The following RANBP2 variants were observed in gnomAD, a reference collection of about 807,000 sequenced individuals.
RANBP2 encodes the protein E3 SUMO-protein ligase RanBP2.
Under a neutral mutation model 303.6 loss-of-function variants are expected in RANBP2, and 57 were observed. The ratio of observed to expected loss-of-function variants is 0.19; its 90% CI spans 0.15 to 0.23. RANBP2 has a LOEUF of 0.23. Ranked by LOEUF, RANBP2 falls within the 10% of genes least tolerant of loss-of-function variation. The pLI is 1.00. For missense variants in RANBP2, 3,138 were observed against 3,780.8 expected (o/e 0.83, Z 4.46); for synonymous variants, 1,167 against 1,301.5 (o/e 0.90, Z 2.23).
the RANBP2 span, among the ~76,000 whole-genome samples, chr2:109,690,592 G>A: frequency 3.3e-5 from 5 of 152,112 alleles, no homozygotes; most frequent in Non-Finnish European, 4.4e-5. Flanking sequence ...CTCCTGGCAC[G>A]TGTGACAAAG....
At chr2:108,877,318 A>G in the RANBP2 span, among the ~76,000 whole-genome samples, 1 of 151,910 alleles carries the variant, frequency 6.6e-6, no homozygotes, top group Non-Finnish European at 1.5e-5. Context: ...AAAAAACAGA[A>G]TTAGCCAGGC....
the RANBP2 span, among the ~76,000 whole-genome samples, chr2:109,201,924 C>T: frequency 5.3e-5 from 8 of 152,134 alleles, no homozygotes; most frequent in Non-Finnish European, 7.4e-5. Flanking sequence ...TACAAGGACC[C>T]GTGGCATCAT....
the RANBP2 span, among the ~76,000 whole-genome samples, chr2:109,437,963 A>T: frequency 6.6e-6 from 1 of 152,178 alleles, no homozygotes; most frequent in Admixed American, 6.5e-5. Context: ...GATAACACAG[A>T]ATCTCTCTTC....
chr2:109,542,709 A>G, the RANBP2 span, among the ~76,000 whole-genome samples: 2 of 152,212 alleles, frequency 1.3e-5, no homozygotes, highest in Non-Finnish European at 2.9e-5. Context: ...GTTCTATGAC[A>G]TGTATAATTT....
chr2:109,590,662 C>G, the RANBP2 span, among the ~76,000 whole-genome samples: 9 of 152,268 alleles, frequency 5.9e-5, no homozygotes, highest in East Asian at 1.5e-3. Context: ...CTCTTGACCT[C>G]AGGTGATCCA....
the RANBP2 span, among the ~76,000 whole-genome samples, chr2:109,711,392 A>G: frequency 2.0e-5 from 3 of 151,914 alleles, no homozygotes. Context: ...GTGGCTCCTC[A>G]CTAGCCTCCC....
chr2:109,570,037 A>C, the RANBP2 span, among the ~76,000 whole-genome samples: 3 of 152,028 alleles, frequency 2.0e-5, no homozygotes, highest in Non-Finnish European at 2.9e-5. Flanking sequence ...CAAAAAAAAA[A>C]CCTGTGTATT....
the RANBP2 span, among the ~76,000 whole-genome samples, chr2:109,135,342 G>C: frequency 1.3e-5 from 2 of 152,182 alleles, no homozygotes; most frequent in Admixed American, 6.5e-5. Flanking sequence ...GGGGTGGTGG[G>C]AATCCCACTG....
At chr2:109,469,215 A>C in the RANBP2 span, among the ~76,000 whole-genome samples, 2 of 152,234 alleles carry the variant, frequency 1.3e-5, no homozygotes, top group Admixed American at 6.5e-5. Flanking sequence ...ATTGTGCGCT[A>C]TCCCAGAATA....
At chr2:109,091,646 A>G in the RANBP2 span, among the ~76,000 whole-genome samples, 5 of 152,178 alleles carry the variant, frequency 3.3e-5, no homozygotes, top group Admixed American at 2.0e-4. Context: ...CTACCTGCCC[A>G]TGGTTTGGTA....
chr2:109,405,721 C>G, the RANBP2 span, among the ~76,000 whole-genome samples: 7,717 of 152,272 alleles, frequency 0.051, 368 homozygotes, highest in African/African-American at 0.12. Context: ...TTTCCACCAC[C>G]AAATCAATTC....
chr2:108,723,856 A>T (rs1396204894), intron 1 of RANBP2, among the ~76,000 whole-genome samples: 1 of 152,136 alleles, frequency 6.6e-6, no homozygotes, highest in African/African-American at 2.4e-5. Flanking sequence ...AATGTGGTCA[A>T]ACTGGTCACA....
chr2:109,002,376 A>T, the RANBP2 span, among the ~76,000 whole-genome samples: 1 of 152,010 alleles, frequency 6.6e-6, no homozygotes, highest in Non-Finnish European at 1.5e-5. Context: ...CCTCCTTCTC[A>T]CTCACTATGT....
chr2:109,421,595 G>A, the RANBP2 span, among the ~76,000 whole-genome samples: 7 of 152,176 alleles, frequency 4.6e-5, no homozygotes, highest in South Asian at 4.1e-4. Context: ...CACCCAGTTC[G>A]CCTGCCCTGG....
the RANBP2 span, among the ~76,000 whole-genome samples, chr2:109,044,606 ACTCATT>A: frequency 2.9e-5 from 1 of 35,028 alleles, no homozygotes; most frequent in Non-Finnish European, 2.8e-4. Flanking sequence ...TCCTTATCTG[ACTCATT>A]CTGTTAAAAT....
the RANBP2 span, among the ~76,000 whole-genome samples, chr2:109,532,862 CA>C: frequency 6.6e-6 from 1 of 152,228 alleles, no homozygotes; most frequent in South Asian, 2.1e-4. Flanking sequence ...ACACCTCACA[CA>C]GGAGCTCTCA....
At chr2:108,969,466 G>A in the RANBP2 span, among the ~76,000 whole-genome samples, 3 of 152,304 alleles carry the variant, frequency 2.0e-5, no homozygotes, top group East Asian at 3.9e-4. Context: ...CACCATGCCA[G>A]GCCTCCAAAG....
At chr2:109,566,576 G>A in the RANBP2 span, among the ~76,000 whole-genome samples, 1 of 152,092 alleles carries the variant, frequency 6.6e-6, no homozygotes, top group Non-Finnish European at 1.5e-5. Flanking sequence ...TACAGTATGT[G>A]GGTGTATAGA....
At chr2:109,212,632 T>C in the RANBP2 span, among the ~76,000 whole-genome samples, 1 of 152,216 alleles carries the variant, frequency 6.6e-6, no homozygotes, top group African/African-American at 2.4e-5. Context: ...TCTTTGTCAA[T>C]GTTTCTTCTC....
Sources: gnomAD v4.1 joint callset for allele counts (sites outside exome capture counted in the v4.1 genomes callset) on GRCh38, gnomAD v4.1.1 for gene constraint, MANE v1.5 for transcripts, NCBI Gene and HGNC (gene_info 2026-07-23, HGNC 2026-07-21) for gene names.